Variants in TDRD3 observed in about 807,000 individuals in gnomAD.
The protein encoded by TDRD3 is tudor domain containing 3.
TDRD3 carries 45 observed loss-of-function variants against 86.7 expected under a neutral mutation model. The ratio of observed to expected loss-of-function variants is 0.52; its 90% CI spans 0.41 to 0.67. The LOEUF (loss-of-function observed/expected upper bound fraction) is 0.67, where lower values mean the gene tolerates loss of function less well. TDRD3 is among the 30% of genes least tolerant of loss of function. The pLI, the probability that TDRD3 is intolerant of heterozygous loss-of-function variation, is 0.00. For synonymous variants in TDRD3, 298 were observed against 301.7 expected (o/e 0.99, Z 0.13); for missense variants, 814 against 889.0 (o/e 0.92, Z 1.07).
chr13:60,491,796 G>GTT (rs66662608), intron 7 of TDRD3, among the ~76,000 whole-genome samples: 2 of 144,072 alleles, frequency 1.4e-5, no homozygotes, highest in Non-Finnish European at 3.1e-5. Context: ...ATTATTTCAG[G>GTT]TTTTTTTTTT....
At chr13:60,403,231 G>C (rs1056621124) in intron 1 of TDRD3, among the ~76,000 whole-genome samples, 14 of 151,580 alleles carry the variant, frequency 9.2e-5, no homozygotes, top group African/African-American at 3.4e-4. Flanking sequence ...AAAGAAACTT[G>C]CTACCTCAGC....
intron 6 of TDRD3, among the ~76,000 whole-genome samples, chr13:60,485,025 T>G (rs1449166962): frequency 6.6e-6 from 1 of 152,108 alleles, no homozygotes; most frequent in East Asian, 1.9e-4. Flanking sequence ...AAAATTCTTG[T>G]ATAGCATCTT....
At chr13:60,518,901 C>T (rs1364199606) in intron 10 of TDRD3, among the ~76,000 whole-genome samples, 2 of 152,114 alleles carry the variant, frequency 1.3e-5, no homozygotes, top group African/African-American at 4.8e-5. Context: ...AGGGGCGTTT[C>T]TAAATTCAGA....
chr13:60,464,123 C>T (rs1423998502), intron 4 of TDRD3, among the ~76,000 whole-genome samples: 1 of 152,174 alleles, frequency 6.6e-6, no homozygotes, highest in Non-Finnish European at 1.5e-5. Flanking sequence ...CTGAAACCCT[C>T]ACCAGAATTG....
chr13:60,414,560 G>A (rs1954446185), intron 1 of TDRD3, among the ~76,000 whole-genome samples: 1 of 152,082 alleles, frequency 6.6e-6, no homozygotes, highest in Non-Finnish European at 1.5e-5. Context: ...AGTAGTATAT[G>A]CTATTGGTAC....
chr13:60,481,430 A>G (rs1956315999), intron 5 of TDRD3, among the ~76,000 whole-genome samples: 1 of 148,122 alleles, frequency 6.8e-6, no homozygotes, highest in African/African-American at 2.5e-5. Context: ...CTGAAGATCT[A>G]TTCATTTTTT....
intron 12 of TDRD3, among the ~76,000 whole-genome samples, chr13:60,548,347 G>T: frequency 6.6e-6 from 1 of 152,096 alleles, no homozygotes; most frequent in East Asian, 1.9e-4. Flanking sequence ...TCACACCTGG[G>T]TTCTGATCAA....
intron 12 of TDRD3, among the ~76,000 whole-genome samples, chr13:60,549,949 T>G (rs1021695161): frequency 1.3e-5 from 2 of 152,152 alleles, no homozygotes; most frequent in Admixed American, 1.3e-4. Flanking sequence ...ACTTTTATGA[T>G]AATATAATTA....
chr13:60,523,150 T>C (rs79869379), intron 10 of TDRD3, among the ~76,000 whole-genome samples: 13 of 152,252 alleles, frequency 8.5e-5, no homozygotes, highest in Non-Finnish European at 1.5e-4. Flanking sequence ...TTTCTTCAGG[T>C]AGGTGTATCA....
chr13:60,474,680 C>T (rs11842223), intron 5 of TDRD3, among the ~76,000 whole-genome samples: 6,958 of 152,228 alleles, frequency 0.046, 219 homozygotes, highest in Non-Finnish European at 0.066. Flanking sequence ...ACATTCGTTA[C>T]GAAGGTCACA....
intron 10 of TDRD3, among the ~76,000 whole-genome samples, chr13:60,518,669 C>G (rs557139375): frequency 2.0e-5 from 3 of 152,236 alleles, no homozygotes; most frequent in Non-Finnish European, 4.4e-5. Context: ...TGTGCGAGTT[C>G]TAGGCTTCAT....
chr13:60,499,831 A>G (rs1956795569), intron 8 of TDRD3, among the ~76,000 whole-genome samples: 1 of 152,220 alleles, frequency 6.6e-6, no homozygotes, highest in South Asian at 2.1e-4. Context: ...TTTGGAGGCA[A>G]CACATTACTC....
At chr13:60,418,428 C>T (rs904973698) in intron 1 of TDRD3, among the ~76,000 whole-genome samples, 2 of 152,058 alleles carry the variant, frequency 1.3e-5, no homozygotes, top group Non-Finnish European at 1.5e-5. Context: ...ATGTTTGTCT[C>T]CTCAAGTAAA....
At chr13:60,498,780 A>AG (rs1956770711) in intron 8 of TDRD3, among the ~76,000 whole-genome samples, 1 of 152,154 alleles carries the variant, frequency 6.6e-6, no homozygotes, top group African/African-American at 2.4e-5. Context: ...TTGGGGAAAG[A>AG]GAAATGATCA....
intron 2 of TDRD3, among the ~76,000 whole-genome samples, chr13:60,440,017 A>G (rs1955219503): frequency 6.6e-6 from 1 of 151,992 alleles, no homozygotes; most frequent in Non-Finnish European, 1.5e-5. Flanking sequence ...TTTTTCACCC[A>G]CTGATCAGTC....
At chr13:60,536,188 G>A (rs965600201) in intron 12 of TDRD3, 1 of 151,814 alleles carries the variant, frequency 6.6e-6, no homozygotes, top group Non-Finnish European at 1.5e-5. Flanking sequence ...GAAATAAAAC[G>A]GCAACAGAAA....
chr13:60,400,737 CAA>C (rs796259856), intron 1 of TDRD3, among the ~76,000 whole-genome samples: 25 of 91,316 alleles, frequency 2.7e-4, no homozygotes, highest in Admixed American at 4.7e-4. Flanking sequence ...GACTGTGTCT[CAA>C]AAAAAAAAAA....
chr13:60,403,101 A>G (rs1490410274), intron 1 of TDRD3, among the ~76,000 whole-genome samples: 1 of 151,500 alleles, frequency 6.6e-6, no homozygotes, highest in African/African-American at 2.4e-5. Context: ...TAAACTGTGC[A>G]AGTGTTCAGG....
In TDRD3 at chr13:60,485,317, G is replaced by A. The variant is rs117169092; in HGVS notation, c.568-482G>A. On this transcript the variant is annotated intron_variant, in intron 6 of 13. Transcript: ENST00000377881. ...ATATAAAAACTTTGAAGCCTGATAC[G>A]GGGGGTGGGTATGTTTTTAGAGTGT... Among the ~76,000 whole-genome samples, 927 of 151,822 alleles carry A rather than the reference G, an allele frequency of 6.1e-3. 20 individuals carry two copies. The East Asian group carries it at 0.07, about 11-fold the overall frequency.
Sources: gnomAD v4.1 joint callset for allele counts (sites outside exome capture counted in the v4.1 genomes callset) on GRCh38, gnomAD v4.1.1 for gene constraint, MANE v1.5 for transcripts, NCBI Gene and HGNC (gene_info 2026-07-23, HGNC 2026-07-21) for gene names.